The following CDK6 variants were observed in gnomAD, a reference collection of about 807,000 sequenced individuals.
CDK6 encodes the protein cyclin dependent kinase 6.
A neutral mutation model predicts 37.1 loss-of-function variants in CDK6; 6 were observed. The observed-to-expected ratio is 0.16, with a 90% CI of 0.09 to 0.32. The LOEUF (loss-of-function observed/expected upper bound fraction) is 0.32. Among genes scored for constraint, CDK6 ranks in the 10% least tolerant of loss-of-function variants. The probability of loss-of-function intolerance (pLI) is 1.00; values close to 1 mark genes in which losing one functional copy is unlikely to be tolerated. For synonymous variants in CDK6, 160 were observed against 161.3 expected (o/e 0.99, Z 0.06); for missense variants, 224 against 418.9 (o/e 0.53, Z 4.06).
rs1468265798 is a variant in CDK6 at position 92,751,947 on chromosome 7, A to AG, written c.369+22748dup. 2.6e-5 allele frequency among the ~76,000 whole-genome samples: 4 copies of AG among 152,328 alleles called. No homozygotes were observed. The East Asian group carries it at 5.8e-4, about 22-fold the overall frequency. On this transcript the variant is annotated intron_variant, in intron 3 of 7. Transcript: ENST00000424848. ...AAATGCTAAAACATTTATGTTAAGT[A>AG]GGAGTTAACTCATTAAAGAGCACTG...
chr7:92,777,776 A>G (rs1405283714), intron 2 of CDK6, among the ~76,000 whole-genome samples: 2 of 152,194 alleles, frequency 1.3e-5, no homozygotes, highest in Non-Finnish European at 2.9e-5. Flanking sequence ...AAGAAAGTCA[A>G]TGGTAGCTGG....
chr7:92,834,453 C>T lies in CDK6; in HGVS notation c.-367-763G>A, dbSNP rs1345312462. 1.0e-5 allele frequency among the ~76,000 whole-genome samples: 1 copy of T among 99,002 alleles called. No individual in the cohort carries two copies. The highest frequency in any genetic ancestry group is 3.9e-5 in the African/African-American group (1 of 25,466). 64.9% of individuals were successfully genotyped at this position (99,002 alleles called of 152,430 possible). A position where few individuals can be genotyped will look rare whatever the true frequency, so the allele number is the denominator to read the frequency against. On this transcript the variant is annotated intron_variant, in intron 1 of 7. Coordinates refer to ENST00000424848, the MANE Select transcript of CDK6 (RefSeq NM_001145306.2). The surrounding 1 kb of genome is among the most constrained non-coding windows in gnomAD (Gnocchi z 4.6). Reference sequence around the variant, plus strand: ...ACCTTGGGAAGACCAGCCATCTGGTCGGGGAGGGTTGGGGCTTATCGGGGG... The same window carrying T: ...ACCTTGGGAAGACCAGCCATCTGGTTGGGGAGGGTTGGGGCTTATCGGGGG...
chr7:92,708,965 C>A (rs374524361), intron 4 of CDK6, among the ~76,000 whole-genome samples: 4 of 152,208 alleles, frequency 2.6e-5, no homozygotes, highest in African/African-American at 9.6e-5. Flanking sequence ...GCAATTATGA[C>A]CAGAGACACT....
intron 3 of CDK6, among the ~76,000 whole-genome samples, chr7:92,731,691 T>A (rs1798654463): frequency 6.6e-6 from 1 of 152,156 alleles, no homozygotes; most frequent in African/African-American, 2.4e-5. Context: ...CACTTTTTAT[T>A]CATTCCTGGA....
At chr7:92,763,760 A>C (rs1353041738) in intron 3 of CDK6, among the ~76,000 whole-genome samples, 1 of 152,190 alleles carries the variant, frequency 6.6e-6, no homozygotes, top group Non-Finnish European at 1.5e-5. Context: ...GTCATCTCAG[A>C]ATGTAAGGGA....
chr7:92,727,607 C>T (rs1164665137), intron 3 of CDK6, among the ~76,000 whole-genome samples: 9 of 152,092 alleles, frequency 5.9e-5, no homozygotes, highest in Non-Finnish European at 1.5e-5. Flanking sequence ...GACTGATTCA[C>T]AAACAACTAA....
chr7:92,789,568 T>A (rs751040574), intron 2 of CDK6, among the ~76,000 whole-genome samples: 11 of 152,192 alleles, frequency 7.2e-5, no homozygotes, highest in Non-Finnish European at 1.5e-4. Flanking sequence ...GCTGAAATAG[T>A]ATCAACTCAA....
intron 5 of CDK6, among the ~76,000 whole-genome samples, chr7:92,659,635 C>A (rs963789259): frequency 2.0e-5 from 3 of 147,370 alleles, no homozygotes; most frequent in Admixed American, 1.3e-4. Flanking sequence ...CACACACACA[C>A]CACACACACA....
At chr7:92,639,376 G>C (rs1796249345) in intron 5 of CDK6, among the ~76,000 whole-genome samples, 1 of 152,214 alleles carries the variant, frequency 6.6e-6, no homozygotes, top group African/African-American at 2.4e-5. Context: ...AGGTTCTTTT[G>C]CATATTAGTG....
At chr7:92,783,970 G>A (rs1800060476) in intron 2 of CDK6, among the ~76,000 whole-genome samples, 2 of 151,918 alleles carry the variant, frequency 1.3e-5, no homozygotes, top group Admixed American at 6.6e-5. Flanking sequence ...GCACTTCTAC[G>A]TCATCAAACA....
chr7:92,694,502 T>G (rs1285752186), intron 4 of CDK6, among the ~76,000 whole-genome samples: 1 of 152,314 alleles, frequency 6.6e-6, no homozygotes, highest in East Asian at 1.9e-4. Context: ...AATTACTCAA[T>G]ATAATTTGTG....
At chr7:92,693,640 C>G (rs1797645461) in intron 4 of CDK6, among the ~76,000 whole-genome samples, 1 of 151,916 alleles carries the variant, frequency 6.6e-6, no homozygotes, top group Non-Finnish European at 1.5e-5. Context: ...AATTCTTTTT[C>G]TTTTGTGCTA....
intron 4 of CDK6, among the ~76,000 whole-genome samples, chr7:92,686,480 TTATATATATAATGAAA>T (rs1251396104): frequency 6.6e-6 from 1 of 152,152 alleles, no homozygotes; most frequent in African/African-American, 2.4e-5. Flanking sequence ...TAGTATTTCA[TTATATATATAATGAAA>T]TATATATATA....
At chr7:92,820,748 G>C (rs1801151310) in intron 2 of CDK6, among the ~76,000 whole-genome samples, 1 of 152,014 alleles carries the variant, frequency 6.6e-6, no homozygotes, top group Admixed American at 6.6e-5. Context: ...AAAGTCAATA[G>C]ATATTACTGA....
intron 2 of CDK6, among the ~76,000 whole-genome samples, chr7:92,799,484 A>C (rs1800511484): frequency 6.7e-6 from 1 of 148,542 alleles, no homozygotes; most frequent in Non-Finnish European, 1.5e-5. Context: ...GCAGAGTCTC[A>C]AGTTTCCATA....
intron 2 of CDK6, among the ~76,000 whole-genome samples, chr7:92,812,771 A>G (rs555131963): frequency 4.6e-5 from 7 of 152,344 alleles, no homozygotes; most frequent in Non-Finnish European, 1.0e-4. Context: ...TTTCACAAGG[A>G]TATCATATAT....
chr7:92,758,257 T>C (rs111543221), intron 3 of CDK6, among the ~76,000 whole-genome samples: 14 of 152,330 alleles, frequency 9.2e-5, no homozygotes, highest in African/African-American at 2.4e-4. Flanking sequence ...AGGGTTTTTA[T>C]AGTTTTGGGT....
At chr7:92,734,013 A>G (rs1798714968) in intron 3 of CDK6, among the ~76,000 whole-genome samples, 1 of 152,100 alleles carries the variant, frequency 6.6e-6, no homozygotes, top group African/African-American at 2.4e-5. Context: ...GGATATTCTT[A>G]TATGTTATGA....
At chr7:92,735,662 G>T (rs1031024249) in intron 3 of CDK6, among the ~76,000 whole-genome samples, 1 of 152,138 alleles carries the variant, frequency 6.6e-6, no homozygotes, top group Non-Finnish European at 1.5e-5. Context: ...TCCAAGAATC[G>T]AACAAGGCAC....
Sources: allele counts gnomAD v4.1 joint callset (sites outside exome capture counted in the v4.1 genomes callset), GRCh38; gene constraint gnomAD v4.1.1; non-coding constraint Gnocchi (gnomAD v3.1); transcripts MANE v1.5; gene names NCBI Gene and HGNC (gene_info 2026-07-23, HGNC 2026-07-21).